KLHL29: variants seen among roughly 807,000 people sequenced by gnomAD.
KLHL29 encodes kelch like family member 29, also known as kelch-like protein 29.
In KLHL29, 21 loss-of-function variants were observed where a neutral mutation model predicts 80.4. That is an observed-to-expected ratio of 0.26 (90% CI 0.19 to 0.38). The LOEUF (loss-of-function observed/expected upper bound fraction) is 0.38, where lower values mean the gene tolerates loss of function less well. Among genes scored for constraint, KLHL29 ranks in the 10% least tolerant of loss-of-function variants. The pLI is 1.00. For synonymous variants in KLHL29, 511 were observed against 526.8 expected, an observed-to-expected ratio of 0.97 and a Z score of 0.41; for missense variants, 867 against 1,223.9, an observed-to-expected ratio of 0.71 and a Z score of 4.35.
chr2:23,696,175 C>T lies in KLHL29; in HGVS notation c.1924+42C>T. ...TTGGGGCGGGACCAGGCATGGGGGT[C>T]CCAAGGGGACTGCTCCCCACGTCAG... On this transcript the variant is annotated intron_variant, in intron 10 of 13. Transcript: ENST00000486442. The surrounding 1 kb of genome is among the most constrained non-coding windows in gnomAD (Gnocchi z 5.5). 6.5e-7 allele frequency: 1 copy of T among 1,530,958 alleles called. No individual in the cohort carries two copies. Among genetic ancestry groups the T allele is most frequent in the Non-Finnish European group, 8.8e-7 (1 of 1,133,002 alleles). 94.8% of individuals were successfully genotyped at this position (1,530,958 alleles called of 1,614,324 possible).
intron 1 of KLHL29, among the ~76,000 whole-genome samples, chr2:23,414,013 C>T (rs1290687959): frequency 6.6e-6 from 1 of 152,232 alleles, no homozygotes; most frequent in African/African-American, 2.4e-5. Context: ...GCCTGAGCTT[C>T]TTAGCCCTCC....
At chr2:23,633,858 C>T (rs1321624875) in intron 3 of KLHL29, among the ~76,000 whole-genome samples, 2 of 151,844 alleles carry the variant, frequency 1.3e-5, no homozygotes, top group Admixed American at 6.6e-5. Context: ...CCAGGAGCCC[C>T]GTGGCCTGCA....
At chr2:23,578,397 GT>G (rs1445880470) in intron 3 of KLHL29, among the ~76,000 whole-genome samples, 1 of 152,156 alleles carries the variant, frequency 6.6e-6, no homozygotes, top group Non-Finnish European at 1.5e-5. Context: ...CAGAACATTG[GT>G]TTCCTCTTCT....
intron 2 of KLHL29, among the ~76,000 whole-genome samples, chr2:23,479,211 C>T (rs1021097802): frequency 1.3e-5 from 2 of 151,520 alleles, no homozygotes; most frequent in African/African-American, 2.4e-5. Context: ...TATGTGGGCG[C>T]TCACACCCCT....
chr2:23,573,453 G>A (rs186730304), intron 3 of KLHL29, among the ~76,000 whole-genome samples: 55 of 152,282 alleles, frequency 3.6e-4, no homozygotes, highest in Non-Finnish European at 5.7e-4. Context: ...AGCAGAGTGG[G>A]ATTCATCACC....
rs572326581 is a variant in KLHL29, at chr2:23,682,469, C to T, written c.941-1930C>T. Reference sequence around the variant, plus strand: ...TTGGCCTCCCAAGCCACTCCCCATCCTGCCTCTGTGTGGATTTGTCTGAAA... The same window carrying T: ...TTGGCCTCCCAAGCCACTCCCCATCTTGCCTCTGTGTGGATTTGTCTGAAA... On this transcript the variant is annotated intron_variant, in intron 5 of 13. Coordinates refer to ENST00000486442, the MANE Select transcript of KLHL29 (RefSeq NM_052920.2). The surrounding 1 kb of genome is among the most constrained non-coding windows in gnomAD (Gnocchi z 4.1). Among the ~76,000 whole-genome samples, 1 of 152,332 alleles carries T rather than the reference C, an allele frequency of 6.6e-6. No individual in the cohort carries two copies. The highest frequency in any genetic ancestry group is 1.9e-4 in the East Asian group (1 of 5,180).
intron 1 of KLHL29, among the ~76,000 whole-genome samples, chr2:23,459,693 A>G (rs1664159705): frequency 6.6e-6 from 1 of 152,224 alleles, no homozygotes; most frequent in Non-Finnish European, 1.5e-5. Flanking sequence ...CGGTGCATGC[A>G]CTGTGATAGT....
At chr2:23,502,828 G>T (rs925466798) in intron 2 of KLHL29, among the ~76,000 whole-genome samples, 1 of 152,180 alleles carries the variant, frequency 6.6e-6, no homozygotes, top group African/African-American at 2.4e-5. Context: ...GACACTTCCA[G>T]ATAGAAGAAG....
chr2:23,387,336 G>A (rs138519126), intron 1 of KLHL29, among the ~76,000 whole-genome samples: 1 of 152,208 alleles, frequency 6.6e-6, no homozygotes, highest in Non-Finnish European at 1.5e-5. Flanking sequence ...TCCTGGTTAC[G>A]GCTGTATTTA....
intron 5 of KLHL29, among the ~76,000 whole-genome samples, chr2:23,658,713 T>C (rs971679521): frequency 1.3e-5 from 2 of 152,130 alleles, no homozygotes; most frequent in Admixed American, 6.5e-5. Flanking sequence ...CACAGCGGAA[T>C]TGAGTGCAGA....
intron 5 of KLHL29, among the ~76,000 whole-genome samples, chr2:23,645,603 C>G (rs1165125911): frequency 6.6e-6 from 1 of 152,230 alleles, no homozygotes; most frequent in Non-Finnish European, 1.5e-5. Context: ...GACAACCTGG[C>G]CTCTCCCGGG....
chr2:23,587,095 C>G lies in KLHL29; in HGVS notation c.285+24614C>G, dbSNP rs115683672. Reference sequence around the variant, plus strand: ...GGAAGAACAGGCCTTTCATGTCGCTCCTTTTAATTAGACGCCCTGTTAAAT... The same window carrying G: ...GGAAGAACAGGCCTTTCATGTCGCTGCTTTTAATTAGACGCCCTGTTAAAT... On this transcript the variant is annotated intron_variant, in intron 3 of 13. Transcript: ENST00000486442. Among the ~76,000 whole-genome samples the G allele has an allele frequency of 1.2e-3, 190 of 152,242 alleles. 1 individual carries two copies. Among genetic ancestry groups the G allele is most frequent in the African/African-American group, 4.4e-3 (183 of 41,532 alleles).
intron 1 of KLHL29, among the ~76,000 whole-genome samples, chr2:23,470,970 G>A (rs1016762352): frequency 1.3e-5 from 2 of 152,286 alleles, no homozygotes; most frequent in South Asian, 2.1e-4. Context: ...TTTTTCTCTC[G>A]TCTTAAAAAG....
chr2:23,653,713 C>A (rs896996579), intron 5 of KLHL29, among the ~76,000 whole-genome samples: 1 of 152,144 alleles, frequency 6.6e-6, no homozygotes, highest in Non-Finnish European at 1.5e-5. Flanking sequence ...ATATGGGAGC[C>A]CCCACCCCAT....
intron 5 of KLHL29, among the ~76,000 whole-genome samples, chr2:23,676,186 T>TG (rs372201552): frequency 0.011 from 1,739 of 151,912 alleles, 20 homozygotes; most frequent in Middle Eastern, 0.031. Context: ...ATGGGTTTTT[T>TG]GTTTTTTTTT....
chr2:23,596,970 T>G lies in KLHL29; in HGVS notation c.285+34489T>G, dbSNP rs953701265. Among the ~76,000 whole-genome samples the G allele has an allele frequency of 6.6e-6, 1 of 152,104 alleles. No individual in the cohort carries two copies. Among genetic ancestry groups the G allele is most frequent in the Non-Finnish European group, 1.5e-5 (1 of 68,018 alleles). ...GTTTAGAATCAAATAGAGCTAATGG[T>G]GAAGTCTCTTCCCACTGAAAAGAGA... On this transcript the variant is annotated intron_variant, in intron 3 of 13. Transcript: ENST00000486442. This position sits in a 1 kb window ranked among gnomAD's most constrained non-coding sequence, Gnocchi z 4.4.
At chr2:23,597,395 ATATATATATATATTT>A (rs1668446245) in intron 3 of KLHL29, among the ~76,000 whole-genome samples, 2 of 89,308 alleles carry the variant, frequency 2.2e-5, no homozygotes, top group South Asian at 3.9e-4. Context: ...ATATATATAT[ATATATATATATATTT>A]TTTTTTTTTT....
chr2:23,558,120 A>G (rs995713972), intron 2 of KLHL29, among the ~76,000 whole-genome samples: 16 of 152,220 alleles, frequency 1.1e-4, no homozygotes, highest in African/African-American at 3.6e-4. Flanking sequence ...GACTCCAGAC[A>G]CAGGAGCCCA....
chr2:23,684,343 A>G lies in KLHL29; in HGVS notation c.941-56A>G. On this transcript the variant is annotated intron_variant, in intron 5 of 13. Transcript: ENST00000486442. This position sits in a 1 kb window ranked among gnomAD's most constrained non-coding sequence, Gnocchi z 4.4. The stretch of plus-strand genomic sequence containing the variant: ...AAAGAAAAAAAACTTTTTTTAATTA[A>G]AAAAAAAAAAACTCTTAATGGGAAC... The G allele has an allele frequency of 3.3e-6, 4 of 1,204,330 alleles. No homozygotes were observed. Among genetic ancestry groups the G allele is most frequent in the Non-Finnish European group, 3.2e-6 (3 of 930,002 alleles). The allele number at this position is 1,204,330 out of a possible 1,614,324, so 74.6% of individuals were successfully genotyped here. A position where few individuals can be genotyped will look rare whatever the true frequency, so the allele number is the denominator to read the frequency against.
Sources: allele counts gnomAD v4.1 joint callset (sites outside exome capture counted in the v4.1 genomes callset), GRCh38; gene constraint gnomAD v4.1.1; non-coding constraint Gnocchi (gnomAD v3.1); transcripts MANE v1.5; gene names NCBI Gene and HGNC (gene_info 2026-07-23, HGNC 2026-07-21).